CCDC91: variants seen among roughly 807,000 people sequenced by gnomAD.
CCDC91 encodes the protein coiled-coil domain-containing protein 91.
In CCDC91, 48 loss-of-function variants were observed where a neutral mutation model predicts 63.2. The ratio of observed to expected loss-of-function variants is 0.76; its 90% confidence interval spans 0.60 to 0.97. CCDC91 has a LOEUF of 0.97. CCDC91 is among the 50% of genes least tolerant of loss of function. The probability of loss-of-function intolerance (pLI) is 0.00; values close to 1 mark genes in which losing one functional copy is unlikely to be tolerated. For missense variants in CCDC91, 500 were observed against 494.6 expected, an observed-to-expected ratio of 1.01 and a Z score of -0.10; for synonymous variants, 167 against 165.8, an observed-to-expected ratio of 1.01 and a Z score of -0.06.
At chr12:28,435,005 A>T (rs535301067) in intron 8 of CCDC91, among the ~76,000 whole-genome samples, 168 of 151,734 alleles carry the variant, frequency 1.1e-3, no homozygotes, top group Middle Eastern at 3.4e-3. Context: ...AACATTAGCA[A>T]TTTGTGCCGT....
chr12:28,204,197 A>T (rs1332159089), intron 1 of CCDC91, among the ~76,000 whole-genome samples: 1 of 152,186 alleles, frequency 6.6e-6, no homozygotes, highest in Admixed American at 6.5e-5. Flanking sequence ...CCCTCAAAAA[A>T]TTGGTAAGAA....
intron 12 of CCDC91, among the ~76,000 whole-genome samples, chr12:28,511,045 T>C (rs1939320245): frequency 6.6e-6 from 1 of 151,918 alleles, no homozygotes; most frequent in South Asian, 2.1e-4. Flanking sequence ...CATGTGTACT[T>C]CATAATAATT....
intron 7 of CCDC91, among the ~76,000 whole-genome samples, chr12:28,363,944 C>A (rs1592435465): frequency 6.9e-6 from 1 of 144,010 alleles, no homozygotes. Flanking sequence ...AAAAGTAGAT[C>A]CAGAATTAAG....
intron 10 of CCDC91, 30 bp from the exon 11 acceptor site, chr12:28,452,448 A>C: frequency 6.9e-7 from 1 of 1,446,066 alleles, no homozygotes; most frequent in East Asian, 2.3e-5. Flanking sequence ...CAGTCTTTCA[A>C]ATTTGTTCTG....
At chr12:28,348,754 C>T (rs556090260) in intron 6 of CCDC91, among the ~76,000 whole-genome samples, 166 of 152,130 alleles carry the variant, frequency 1.1e-3, no homozygotes, top group Non-Finnish European at 1.7e-3. Context: ...GTCAGGGTCT[C>T]GCTCTGTCAC....
intron 11 of CCDC91, among the ~76,000 whole-genome samples, chr12:28,467,188 A>T (rs983884552): frequency 5.3e-5 from 8 of 152,016 alleles, no homozygotes; most frequent in Non-Finnish European, 1.2e-4. Flanking sequence ...AAGGTATTTT[A>T]AAAAAGACCC....
chr12:28,460,453 A>C (rs746354525), intron 11 of CCDC91, among the ~76,000 whole-genome samples: 4 of 152,140 alleles, frequency 2.6e-5, no homozygotes, highest in African/African-American at 4.8e-5. Context: ...CTTGTGACTC[A>C]TGTAATTTTG....
chr12:28,537,222 G>C (rs1942246270), intron 12 of CCDC91, among the ~76,000 whole-genome samples: 1 of 152,074 alleles, frequency 6.6e-6, no homozygotes, highest in Middle Eastern at 3.4e-3. Flanking sequence ...AGCAGAGAAA[G>C]GGGGAAAAAA....
At chr12:28,415,969 GT>G (rs71039895) in intron 8 of CCDC91, among the ~76,000 whole-genome samples, 98,808 of 148,594 alleles carry the variant, frequency 0.66, 33,436 homozygotes, top group East Asian at 0.95. Flanking sequence ...TGAGGAATGT[GT>G]TTTTTTTTTT....
intron 3 of CCDC91, among the ~76,000 whole-genome samples, chr12:28,286,571 A>T (rs1445699707): frequency 2.0e-5 from 3 of 152,224 alleles, no homozygotes; most frequent in African/African-American, 7.2e-5. Flanking sequence ...ATAGTATTCC[A>T]TGGTGTACAT....
intron 11 of CCDC91, among the ~76,000 whole-genome samples, chr12:28,469,364 G>T (rs1029928062): frequency 1.3e-5 from 2 of 152,002 alleles, no homozygotes. Flanking sequence ...AAATGTTTGG[G>T]AATTAACCTA....
At position 28,453,336 on chromosome 12, in the gene CCDC91, G is replaced by A. The variant is rs11049616; in HGVS notation, c.1101+682G>A. Among the ~76,000 whole-genome samples the A allele has an allele frequency of 2.3e-3, 352 of 151,904 alleles. 4 individuals are homozygous for A. The highest frequency in any genetic ancestry group is 8.2e-3 in the African/African-American group (340 of 41,500). Reference sequence around the variant, plus strand: ...ATAAATCTTCCCTTAAGTATCAAAAGCAAAAGAATAACATTCATAGAAGTC... The same window carrying A: ...ATAAATCTTCCCTTAAGTATCAAAAACAAAAGAATAACATTCATAGAAGTC... On this transcript the variant is annotated intron_variant, in intron 11 of 12. Transcript: ENST00000536442.
intron 3 of CCDC91, chr12:28,302,709 T>C (rs189372876): frequency 1.2e-6 from 1 of 860,162 alleles, no homozygotes; most frequent in Non-Finnish European, 1.4e-6. Flanking sequence ...TTTGATGTAT[T>C]ATTAACTGAG....
chr12:28,292,805 C>T (rs528712298), intron 3 of CCDC91, among the ~76,000 whole-genome samples: 2 of 152,024 alleles, frequency 1.3e-5, no homozygotes, highest in African/African-American at 4.8e-5. Context: ...GGGTAGTACC[C>T]AATGCTTCTC....
At chr12:28,228,279 GT>G (rs1447229943) in intron 1 of CCDC91, among the ~76,000 whole-genome samples, 4 of 152,024 alleles carry the variant, frequency 2.6e-5, no homozygotes, top group Non-Finnish European at 5.9e-5. Flanking sequence ...CTTATTCATA[GT>G]ATTTAACTTA....
intron 1 of CCDC91, among the ~76,000 whole-genome samples, chr12:28,203,367 C>T (rs1280233479): frequency 6.6e-6 from 1 of 152,172 alleles, no homozygotes; most frequent in Non-Finnish European, 1.5e-5. Context: ...ACTATTCCTG[C>T]TGATGTCACT....
chr12:28,197,386 A>G (rs1941856630), intron 1 of CCDC91, among the ~76,000 whole-genome samples: 1 of 152,178 alleles, frequency 6.6e-6, no homozygotes, highest in Non-Finnish European at 1.5e-5. Flanking sequence ...TGAATTACGT[A>G]TAATGTAATA....
intron 6 of CCDC91, among the ~76,000 whole-genome samples, chr12:28,330,597 T>G (rs1039994355): frequency 1.3e-4 from 20 of 152,162 alleles, no homozygotes; most frequent in Non-Finnish European, 2.6e-4. Flanking sequence ...TCTTTTGCCG[T>G]GCAGAAGCTC....
At chr12:28,279,053 G>T (rs993885834) in intron 3 of CCDC91, among the ~76,000 whole-genome samples, 1 of 151,758 alleles carries the variant, frequency 6.6e-6, no homozygotes, top group African/African-American at 2.4e-5. Context: ...GCTTGATATG[G>T]TGCTGTTTAA....
Sources: allele counts gnomAD v4.1 joint callset (sites outside exome capture counted in the v4.1 genomes callset), GRCh38; gene constraint gnomAD v4.1.1; transcripts MANE v1.5; gene names NCBI Gene and HGNC (gene_info 2026-07-23, HGNC 2026-07-21).